Variants in LYST observed in about 807,000 individuals in gnomAD.
The protein encoded by LYST is lysosomal-trafficking regulator.
Under a neutral mutation model 413.6 loss-of-function variants are expected in LYST, and 192 were observed. The ratio of observed to expected loss-of-function variants is 0.46; its 90% confidence interval spans 0.41 to 0.52. The LOEUF (loss-of-function observed/expected upper bound fraction) is 0.52, where lower values mean the gene tolerates loss of function less well. LYST is among the 20% of genes least tolerant of loss of function. LYST has a pLI of 0.00. For missense variants in LYST, 3,815 were observed against 4,499.9 expected, an observed-to-expected ratio of 0.85 and a Z score of 4.35; for synonymous variants, 1,525 against 1,567.3, an observed-to-expected ratio of 0.97 and a Z score of 0.64.
In LYST at chr1:235,843,459, A is replaced by C. The variant is rs559211966; in HGVS notation, c.-97-9792T>G. Among the ~76,000 whole-genome samples the C allele has an allele frequency of 3.9e-5, 6 of 152,264 alleles. No homozygotes were observed. The South Asian group carries it at 1.2e-3, about 32-fold the overall frequency. On this transcript the variant is annotated intron_variant, in intron 1 of 52. Transcript: ENST00000389793. ...TGTGAAGTTTGGCTGCCTCTTCCATAAACTACCCCACAGAGTTGCTATGTG... is the reference window on the plus strand; with the variant it reads ...TGTGAAGTTTGGCTGCCTCTTCCATCAACTACCCCACAGAGTTGCTATGTG...
In LYST at chr1:235,800,513, A is replaced by G; in HGVS notation, c.3940-127T>C. On this transcript the variant is annotated intron_variant, in intron 9 of 52. Transcript: ENST00000389793. ...TGTATATATGTATTTAAAAATGACT[A>G]AAAAGACTACTATGTGTAGGATTAT... 4.7e-6 allele frequency: 3 copies of G among 640,890 alleles called. No homozygotes were observed. The South Asian group carries it at 5.6e-5, about 12-fold the overall frequency. The allele number at this position is 640,890 out of a possible 1,614,324, so 39.7% of individuals were successfully genotyped here.
In LYST at chr1:235,809,892, C is replaced by A; in HGVS notation, c.926G>T (p.Arg309Leu). Residue 309 changes from arginine (R) to leucine (L), a missense_variant, in exon 5 of 53, where the codon CGA (arginine) becomes CTA (leucine). Transcript: ENST00000389793. This position sits in a 1 kb window ranked among gnomAD's most constrained non-coding sequence, Gnocchi z 4.0. ...TTCGGTCCAACCTGCAGAAACTACT[C>A]GACTCTCCAAGTTGTCGCTCAGACT... is the stretch of plus-strand genomic sequence containing the variant. ...CCSLSDNLES[R>L]VVSAGWTEEP... 6.2e-7 allele frequency: 1 copy of A among 1,613,964 alleles called. No individual in the cohort carries two copies.
At chr1:235,857,710 C>T (rs1055325875) in intron 1 of LYST, among the ~76,000 whole-genome samples, 1 of 149,166 alleles carries the variant, frequency 6.7e-6, no homozygotes, top group Non-Finnish European at 1.5e-5. Context: ...TATATACACA[C>T]ACACACGTAT....
At chr1:235,704,455 G>A (rs539750672) in intron 44 of LYST, among the ~76,000 whole-genome samples, 25 of 152,238 alleles carry the variant, frequency 1.6e-4, no homozygotes, top group South Asian at 1.5e-3. Context: ...ATTCTGACTG[G>A]TGGGAGACGG....
chr1:235,822,630 G>C (rs1259654358), intron 3 of LYST, among the ~76,000 whole-genome samples: 2 of 152,162 alleles, frequency 1.3e-5, no homozygotes, highest in Admixed American at 1.3e-4. Context: ...GTGAGTGTAG[G>C]AGGAATAATA....
At chr1:235,692,153 T>C (rs1027886454) in intron 47 of LYST, among the ~76,000 whole-genome samples, 2 of 150,156 alleles carry the variant, frequency 1.3e-5, no homozygotes, top group Non-Finnish European at 3.0e-5. Flanking sequence ...GCTAACATGG[T>C]GAAACCCCGT....
intron 48 of LYST, among the ~76,000 whole-genome samples, chr1:235,683,234 C>A (rs1017700975): frequency 6.6e-6 from 1 of 152,160 alleles, no homozygotes; most frequent in Non-Finnish European, 1.5e-5. Flanking sequence ...TCCAGCGGGT[C>A]GAGCAGGTCT....
rs551468865 is a variant in LYST, at chr1:235,806,685, T to C, written c.2451A>G (p.Leu817=). Residue 817 remains leucine (L), a synonymous_variant, in exon 6 of 53, where the codon CTA becomes CTG. Coordinates refer to ENST00000389793, the MANE Select transcript of LYST (RefSeq NM_000081.4). ...NCLNGIRSHS[L]KAFETLIISL... Reference sequence around the variant, plus strand: ...TGATTATCAGAGTTTCAAATGCTTTTAGAGAATGACTTCGAATACCATTTA... The same window carrying C: ...TGATTATCAGAGTTTCAAATGCTTTCAGAGAATGACTTCGAATACCATTTA... 3 of 1,613,748 alleles carry C rather than the reference T, an allele frequency of 1.9e-6. No homozygotes were observed. In the African/African-American group the frequency reaches 4.0e-5, roughly 22 times the overall value.
At chr1:235,677,694 C>A in intron 48 of LYST, 75 bp from the exon 49 acceptor site, 1 of 1,119,122 alleles carries the variant, frequency 8.9e-7, no homozygotes, top group Non-Finnish European at 1.4e-6. Flanking sequence ...AAAAATAAAA[C>A]AACCAAAGTG....
rs1666971494 is a variant in LYST at position 235,755,653 on chromosome 1, C to T, written c.7060-6G>A. 1.3e-6 allele frequency: 2 copies of T among 1,561,288 alleles called. No individual in the cohort carries two copies. Among genetic ancestry groups the T allele is most frequent in the Non-Finnish European group, 8.8e-7 (1 of 1,133,088 alleles). ...GCAAAATATGCATCTAATAGCTAAA[C>T]AAAAAATTTAAGTCAATTTAGATAA... is the stretch of plus-strand genomic sequence containing the variant. On this transcript the variant is annotated splice_region_variant and splice_polypyrimidine_tract_variant and intron_variant, in intron 24 of 52. Coordinates refer to ENST00000389793, the MANE Select transcript of LYST (RefSeq NM_000081.4).
chr1:235,668,467 C>CT, intron 50 of LYST, among the ~76,000 whole-genome samples: 1 of 152,160 alleles, frequency 6.6e-6, no homozygotes, highest in East Asian at 1.9e-4. Flanking sequence ...TTGACAAGGC[C>CT]TTTTTGTTCA....
chr1:235,783,234 T>C (rs1670049507), intron 14 of LYST, among the ~76,000 whole-genome samples: 1 of 152,112 alleles, frequency 6.6e-6, no homozygotes, highest in Non-Finnish European at 1.5e-5. Flanking sequence ...TGCCTAAGGC[T>C]CTCTGTTTCA....
intron 28 of LYST, among the ~76,000 whole-genome samples, chr1:235,749,524 C>T (rs900882102): frequency 1.3e-5 from 2 of 152,048 alleles, no homozygotes; most frequent in Non-Finnish European, 2.9e-5. Flanking sequence ...TATAGGGGTG[C>T]ATGTGCCAGC....
At chr1:235,801,184 A>C (rs944451712) in intron 8 of LYST, 87 bp from the exon 9 acceptor site, 186 of 871,806 alleles carry the variant, frequency 2.1e-4, no homozygotes, top group Admixed American at 1.1e-4. Flanking sequence ...ATCTAGTGGC[A>C]AAAATAGTAA....
intron 34 of LYST, among the ~76,000 whole-genome samples, chr1:235,732,087 C>G (rs1457095655): frequency 4.0e-5 from 6 of 151,394 alleles, no homozygotes; most frequent in African/African-American, 1.5e-4. Flanking sequence ...AAACGTGCAT[C>G]TGTTTTTAAT....
chr1:235,667,550 G>A (rs757732333), intron 50 of LYST, among the ~76,000 whole-genome samples: 1 of 152,166 alleles, frequency 6.6e-6, no homozygotes, highest in Non-Finnish European at 1.5e-5. Context: ...TTGTCCCTAG[G>A]TATCTGAGAG....
intron 48 of LYST, among the ~76,000 whole-genome samples, chr1:235,683,946 C>T (rs12401425): frequency 0.024 from 3,723 of 152,274 alleles, 144 homozygotes; most frequent in African/African-American, 0.085. Flanking sequence ...AACTACACTA[C>T]TAAGTTAGAT....
intron 1 of LYST, among the ~76,000 whole-genome samples, chr1:235,839,024 C>T (rs1676894250): frequency 6.6e-6 from 1 of 152,010 alleles, no homozygotes; most frequent in Admixed American, 6.6e-5. Flanking sequence ...AGGGTCTCAC[C>T]ATGTTGTCCA....
In LYST at chr1:235,808,523, A is replaced by G; in HGVS notation, c.2295T>C (p.His765=). Residue 765 remains histidine (H), a synonymous_variant, in exon 5 of 53, where the codon CAT becomes CAC. Transcript: ENST00000389793. ...GCACGTCCTGAGGCAAGCACTGGTT[A>G]TGATGGCTACATACATGACTTTGAG... The part of the protein sequence containing the change: ...TSAQSHVCSH[H]NQCLPQDVLQ... 1 of 1,613,932 alleles carries G rather than the reference A, an allele frequency of 6.2e-7. No homozygotes were observed. Among genetic ancestry groups the G allele is most frequent in the Non-Finnish European group, 8.5e-7 (1 of 1,179,928 alleles).
Sources: gnomAD v4.1 joint callset for allele counts (sites outside exome capture counted in the v4.1 genomes callset) on GRCh38, gnomAD v4.1.1 for gene constraint, Gnocchi (gnomAD v3.1) non-coding constraint, MANE v1.5 for transcripts, NCBI Gene and HGNC (gene_info 2026-07-23, HGNC 2026-07-21) for gene names.